The following BRSK2 variants were observed in gnomAD, a reference collection of about 807,000 sequenced individuals.
BRSK2 encodes the protein serine/threonine-protein kinase BRSK2.
Under a neutral mutation model 83.3 loss-of-function variants are expected in BRSK2, and 19 were observed. The observed-to-expected ratio is 0.23, with a 90% CI of 0.16 to 0.33. The LOEUF (loss-of-function observed/expected upper bound fraction) is 0.33. Among genes scored for constraint, BRSK2 ranks in the 10% least tolerant of loss-of-function variants. The probability of loss-of-function intolerance (pLI) is 1.00; values close to 1 mark genes in which losing one functional copy is unlikely to be tolerated. For synonymous variants in BRSK2, 519 were observed against 435.4 expected, an observed-to-expected ratio of 1.19 and a Z score of -2.39; for missense variants, 798 against 1,042.3, an observed-to-expected ratio of 0.77 and a Z score of 3.23.
rs1307390600 is a variant in BRSK2, at chr11:1,438,075, C to T, written c.187-231C>T. Among the ~76,000 whole-genome samples the T allele has an allele frequency of 1.4e-5, 2 of 147,512 alleles. No individual in the cohort carries two copies. The highest frequency in any genetic ancestry group is 2.0e-4 in the East Asian group (1 of 4,978). On this transcript the variant is annotated intron_variant, in intron 2 of 19. Coordinates refer to ENST00000528841, the MANE Select transcript of BRSK2 (RefSeq NM_001256627.2). The surrounding 1 kb of genome is among the most constrained non-coding windows in gnomAD (Gnocchi z 6.4). ...GCCCCTGCGTCCCCCACAGCTGGCA[C>T]CAAAGGCCCCTGCGTCCCCCACAGC...
intron 1 of BRSK2, among the ~76,000 whole-genome samples, chr11:1,429,416 G>GGTGTGTGCACA (rs1434835732): frequency 2.1e-5 from 2 of 94,476 alleles, no homozygotes; most frequent in African/African-American, 4.7e-5. Flanking sequence ...GGGTGTGCAC[G>GGTGTGTGCACA]CATGGAGGTA....
At chr11:1,460,370 C>T (rs959402647) in intron 19 of BRSK2, 130 bp from the exon 20 acceptor site, 16 of 1,063,268 alleles carry the variant, frequency 1.5e-5, no homozygotes, top group East Asian at 5.8e-5. Context: ...TTCTTTCCCT[C>T]GTCGAGGCCT....
Position 1,390,500 on chromosome 11 carries a change from A to C in BRSK2, c.91+125A>C. On this transcript the variant is annotated intron_variant, in intron 1 of 19. Coordinates refer to ENST00000528841, the MANE Select transcript of BRSK2 (RefSeq NM_001256627.2). The surrounding 1 kb of genome is among the most constrained non-coding windows in gnomAD (Gnocchi z 6.8). ...CCCGGCCCGGGCCCCGGCCGCGAAC[A>C]ATGGGCGGCCCGTGCGCCCCCGTCC... is the stretch of plus-strand genomic sequence containing the variant. 5.6e-6 allele frequency: 2 copies of C among 359,104 alleles called. No homozygotes were observed. The highest frequency in any genetic ancestry group is 7.7e-6 in the Non-Finnish European group (2 of 260,380). 22.2% of individuals were successfully genotyped at this position (359,104 alleles called of 1,614,324 possible). A position where few individuals can be genotyped will look rare whatever the true frequency, so the allele number is the denominator to read the frequency against.
In BRSK2 at chr11:1,437,221, G is replaced by T. The variant is rs183925283; in HGVS notation, c.187-1085G>T. On this transcript the variant is annotated intron_variant, in intron 2 of 19. Transcript: ENST00000528841. ...GGCCTGGGGATGCGGGAAAGGGGAG[G>T]TGTCCCTGTCACCTGCAGGCGCTGT... Among the ~76,000 whole-genome samples the T allele has an allele frequency of 2.2e-4, 34 of 152,252 alleles. 1 individual carries two copies. The highest frequency in any genetic ancestry group is 7.5e-4 in the African/African-American group (31 of 41,534).
In BRSK2 at chr11:1,454,698, A is replaced by C. The variant is rs1340170314; in HGVS notation, c.1668+90A>C. 2.0e-6 allele frequency: 3 copies of C among 1,516,660 alleles called. No individual in the cohort carries two copies. Among genetic ancestry groups the C allele is most frequent in the South Asian group, 2.3e-5 (2 of 85,796 alleles). 94.0% of individuals were successfully genotyped at this position (1,516,660 alleles called of 1,614,324 possible). On this transcript the variant is annotated intron_variant, in intron 16 of 19. Coordinates refer to ENST00000528841, the MANE Select transcript of BRSK2 (RefSeq NM_001256627.2). This position sits in a 1 kb window ranked among gnomAD's most constrained non-coding sequence, Gnocchi z 5.2. ...AATCCAGCCTCCTCACGTAGACAGG[A>C]CATGTCCACGCGCACAGCACGGACG... is the stretch of plus-strand genomic sequence containing the variant.
intron 1 of BRSK2, among the ~76,000 whole-genome samples, chr11:1,424,148 A>T (rs1477284925): frequency 6.6e-6 from 1 of 152,170 alleles, no homozygotes; most frequent in African/African-American, 2.4e-5. Flanking sequence ...TCCAGCTGTG[A>T]TGTGGGGCCA....
In BRSK2 at chr11:1,390,614, G is replaced by T. The variant is rs1845662272; in HGVS notation, c.91+239G>T. Among the ~76,000 whole-genome samples the T allele has an allele frequency of 6.8e-6, 1 of 146,932 alleles. No individual in the cohort carries two copies. Reference sequence around the variant, plus strand: ...GCCCAAGGACACGCGGCGCGGCGCGGGGCGCGCAGGCGGACAGGGGCGCAC... The same window carrying T: ...GCCCAAGGACACGCGGCGCGGCGCGTGGCGCGCAGGCGGACAGGGGCGCAC... On this transcript the variant is annotated intron_variant, in intron 1 of 19. Transcript: ENST00000528841. This position sits in a 1 kb window ranked among gnomAD's most constrained non-coding sequence, Gnocchi z 6.8.
chr11:1,407,150 C>A (rs1238287752), intron 1 of BRSK2, among the ~76,000 whole-genome samples: 3 of 152,128 alleles, frequency 2.0e-5, no homozygotes, highest in African/African-American at 7.2e-5. Flanking sequence ...GAGCTGCAGG[C>A]CCTGGAGGAG....
intron 1 of BRSK2, among the ~76,000 whole-genome samples, chr11:1,395,910 A>G (rs551734668): frequency 6.6e-6 from 1 of 152,290 alleles, no homozygotes; most frequent in South Asian, 2.1e-4. Flanking sequence ...TGTGTCCAGA[A>G]CCACTGGGGA....
rs1271980057 is a variant in BRSK2 at position 1,461,743 on chromosome 11, T to C, written c.*1020T>C. ...TTCCTGCAAGATATTTTTATAAACT[T>C]TTTTTTCTTGGTGGTTTTTGGAAAA... On this transcript the variant is annotated 3_prime_UTR_variant, in exon 20 of 20. Coordinates refer to ENST00000528841, the MANE Select transcript of BRSK2 (RefSeq NM_001256627.2). 2.6e-5 allele frequency: 4 copies of C among 151,826 alleles called. No homozygotes were observed. The highest frequency in any genetic ancestry group is 7.3e-5 in the African/African-American group (3 of 41,308). 9.4% of individuals were successfully genotyped at this position (151,826 alleles called of 1,614,324 possible).
intron 1 of BRSK2, among the ~76,000 whole-genome samples, chr11:1,425,148 G>A (rs763117445): frequency 2.0e-5 from 3 of 152,224 alleles, no homozygotes; most frequent in Non-Finnish European, 2.9e-5. Context: ...GTGGCCGGTC[G>A]GTCCCGGCGC....
At chr11:1,427,373 G>A (rs564659217) in intron 1 of BRSK2, among the ~76,000 whole-genome samples, 49 of 152,304 alleles carry the variant, frequency 3.2e-4, no homozygotes, top group Admixed American at 2.2e-3. Flanking sequence ...CAGATACCAC[G>A]TGCAGGGTAG....
rs1054909390 is a variant in BRSK2, at chr11:1,461,186, G to T, written c.*463G>T. On this transcript the variant is annotated 3_prime_UTR_variant, in exon 20 of 20. Coordinates refer to ENST00000528841, the MANE Select transcript of BRSK2 (RefSeq NM_001256627.2). ...CGGGGGAGCCTCCTCCAGCCCGGCC[G>T]ACCCGGACTCCCGGTCACCTGACCC... 2.2e-5 allele frequency: 17 copies of T among 788,792 alleles called. No homozygotes were observed. Among genetic ancestry groups the T allele is most frequent in the Non-Finnish European group, 3.3e-5 (17 of 518,970 alleles). 48.9% of individuals were successfully genotyped at this position (788,792 alleles called of 1,614,324 possible). A position where few individuals can be genotyped will look rare whatever the true frequency, so the allele number is the denominator to read the frequency against.
chr11:1,449,064 G>A (rs762611742), intron 12 of BRSK2, among the ~76,000 whole-genome samples: 3 of 152,234 alleles, frequency 2.0e-5, no homozygotes, highest in Non-Finnish European at 4.4e-5. Flanking sequence ...CGTGGGCGCC[G>A]GCTCGTCCGT....
Position 1,423,828 on chromosome 11 carries a change from G to A in BRSK2, c.92-12212G>A, listed in dbSNP as rs1024447134. On this transcript the variant is annotated intron_variant, in intron 1 of 19. Coordinates refer to ENST00000528841, the MANE Select transcript of BRSK2 (RefSeq NM_001256627.2). The surrounding 1 kb of genome is among the most constrained non-coding windows in gnomAD (Gnocchi z 6.5). Reference sequence around the variant, plus strand: ...CCGCTGGGCGTTCCGGGTGCCCCAGGCCTCCCCCGCTGAGTGTTCCCGGTG... The same window carrying A: ...CCGCTGGGCGTTCCGGGTGCCCCAGACCTCCCCCGCTGAGTGTTCCCGGTG... Among the ~76,000 whole-genome samples the A allele has an allele frequency of 6.6e-6, 1 of 151,462 alleles. No individual in the cohort carries two copies. Among genetic ancestry groups the A allele is most frequent in the African/African-American group, 2.4e-5 (1 of 41,208 alleles).
chr11:1,419,413 A>T (rs916975997), intron 1 of BRSK2, among the ~76,000 whole-genome samples: 2 of 152,136 alleles, frequency 1.3e-5, no homozygotes, highest in East Asian at 3.9e-4. Context: ...TGGTCTCTCT[A>T]TGTCTTTCTG....
At position 1,450,526 on chromosome 11, in the gene BRSK2, G is replaced by GC. The variant is rs559012736; in HGVS notation, c.1288-54dup. ...CCCTGGGCCCGCCTGCCCTGCGGGT[G>GC]CCCCCCCGGCCCCCACCCGCCGGGA... On this transcript the variant is annotated intron_variant, in intron 13 of 19. Transcript: ENST00000528841. 1,895 of 802,236 alleles carry GC rather than the reference G, an allele frequency of 2.4e-3. 7 individuals are homozygous for GC. Among genetic ancestry groups the GC allele is most frequent in the South Asian group, 8.6e-3 (505 of 58,924 alleles). The allele number at this position is 802,236 out of a possible 1,614,324, so 49.7% of individuals were successfully genotyped here. A position where few individuals can be genotyped will look rare whatever the true frequency, so the allele number is the denominator to read the frequency against.
chr11:1,433,250 G>C (rs1044769106), intron 1 of BRSK2, among the ~76,000 whole-genome samples: 3 of 152,232 alleles, frequency 2.0e-5, no homozygotes, highest in Admixed American at 2.0e-4. Flanking sequence ...GAGCCACCAG[G>C]GCTTCGCCAC....
intron 1 of BRSK2, among the ~76,000 whole-genome samples, chr11:1,426,733 C>T (rs1849275582): frequency 6.6e-6 from 1 of 152,118 alleles, no homozygotes; most frequent in Admixed American, 6.5e-5. Context: ...AACAGATGGG[C>T]CAGCAGCCAC....
Sources: allele counts gnomAD v4.1 joint callset (sites outside exome capture counted in the v4.1 genomes callset), GRCh38; gene constraint gnomAD v4.1.1; non-coding constraint Gnocchi (gnomAD v3.1); transcripts MANE v1.5; gene names NCBI Gene and HGNC (gene_info 2026-07-23, HGNC 2026-07-21).